Variants in GPM6A observed in about 807,000 individuals in gnomAD.
GPM6A encodes neuronal membrane glycoprotein M6-a.
Under a neutral mutation model 32.1 loss-of-function variants are expected in GPM6A, and 7 were observed. That is an observed-to-expected ratio of 0.22 (90% CI 0.12 to 0.41). The LOEUF (loss-of-function observed/expected upper bound fraction) is 0.41, where lower values mean the gene tolerates loss of function less well. Among genes scored for constraint, GPM6A ranks in the 10% least tolerant of loss-of-function variants. GPM6A has a pLI of 1.00. For missense variants in GPM6A, 235 were observed against 347.2 expected (o/e 0.68, Z 2.57); for synonymous variants, 130 against 123.4 (o/e 1.05, Z -0.35).
intron 1 of GPM6A, chr4:175,811,918 G>T: frequency 3.5e-6 from 1 of 289,002 alleles, no homozygotes; most frequent in Non-Finnish European, 6.3e-6. Context: ...GGTTAACAAA[G>T]ACTGGTCTAA....
chr4:175,645,609 T>C (rs1440524057), intron 4 of GPM6A, among the ~76,000 whole-genome samples: 1 of 151,834 alleles, frequency 6.6e-6, no homozygotes, highest in Non-Finnish European at 1.5e-5. Context: ...TAATCCCAGC[T>C]CCTCGGGAGG....
chr4:175,874,497 G>A (rs1470722099), intron 1 of GPM6A, among the ~76,000 whole-genome samples: 1 of 152,140 alleles, frequency 6.6e-6, no homozygotes, highest in African/African-American at 2.4e-5. Context: ...GGTGTGGAGG[G>A]GAGGGAGGAG....
intron 1 of GPM6A, among the ~76,000 whole-genome samples, chr4:175,882,882 G>A (rs1737326232): frequency 6.6e-6 from 1 of 151,968 alleles, no homozygotes; most frequent in African/African-American, 2.4e-5. Context: ...GAACAAATAA[G>A]AATAAGGTCT....
intron 1 of GPM6A, among the ~76,000 whole-genome samples, chr4:175,933,431 C>T (rs753865038): frequency 3.3e-5 from 5 of 152,164 alleles, no homozygotes; most frequent in Non-Finnish European, 7.4e-5. Context: ...GAAAACAGTG[C>T]AGCAGTTTCT....
upstream of GPM6A, among the ~76,000 whole-genome samples, chr4:175,816,892 G>A (rs1013605583): frequency 2.4e-4 from 36 of 150,792 alleles, no homozygotes; most frequent in East Asian, 2.0e-4. Flanking sequence ...ACGGAGTCTC[G>A]CTCAAAGCCC....
chr4:175,898,085 G>A (rs1009241177), intron 1 of GPM6A, among the ~76,000 whole-genome samples: 4 of 152,084 alleles, frequency 2.6e-5, no homozygotes, highest in Non-Finnish European at 5.9e-5. Flanking sequence ...ATAAATAAAA[G>A]CTATCACTCT....
At chr4:175,934,111 CA>C (rs1475362053) in intron 1 of GPM6A, among the ~76,000 whole-genome samples, 1 of 152,104 alleles carries the variant, frequency 6.6e-6, no homozygotes, top group East Asian at 1.9e-4. Flanking sequence ...GATTGACCAG[CA>C]AAGAATAAAA....
chr4:175,726,750 T>C (rs893348252), intron 1 of GPM6A, among the ~76,000 whole-genome samples: 4 of 152,090 alleles, frequency 2.6e-5, no homozygotes, highest in Admixed American at 1.3e-4. Flanking sequence ...AATCCCAGCA[T>C]GTGGGGAGGC....
At chr4:175,890,100 A>G (rs543934173) in intron 1 of GPM6A, among the ~76,000 whole-genome samples, 1 of 152,336 alleles carries the variant, frequency 6.6e-6, no homozygotes, top group South Asian at 2.1e-4. Context: ...GCACATGAAA[A>G]TAACAATGAG....
At chr4:175,933,611 T>G (rs1739124635) in intron 1 of GPM6A, among the ~76,000 whole-genome samples, 1 of 152,302 alleles carries the variant, frequency 6.6e-6, no homozygotes, top group South Asian at 2.1e-4. Flanking sequence ...TTCACGATCT[T>G]GGCTCACTGC....
intron 1 of GPM6A, among the ~76,000 whole-genome samples, chr4:175,855,782 T>C (rs1013659531): frequency 6.6e-6 from 1 of 152,244 alleles, no homozygotes; most frequent in Non-Finnish European, 1.5e-5. Flanking sequence ...CTTATGTTAA[T>C]ATAATACTGA....
chr4:175,897,361 G>A (rs942026734), intron 1 of GPM6A, among the ~76,000 whole-genome samples: 3 of 152,136 alleles, frequency 2.0e-5, no homozygotes, highest in African/African-American at 7.2e-5. Context: ...TCTCACTCCA[G>A]TGCCTCCCAT....
intron 2 of GPM6A, among the ~76,000 whole-genome samples, chr4:175,694,001 G>C (rs1424617422): frequency 1.3e-5 from 2 of 152,086 alleles, no homozygotes; most frequent in Non-Finnish European, 2.9e-5. Context: ...TCTTGCTCCT[G>C]CTCTGGCCGT....
chr4:175,872,582 A>T (rs2111441225), intron 1 of GPM6A: 1 of 152,388 alleles, frequency 6.6e-6, no homozygotes, highest in Non-Finnish European at 1.5e-5. Context: ...AAGAAACATT[A>T]TAAATTCCTT....
At chr4:175,816,678 C>T (rs1291736165), upstream of GPM6A, among the ~76,000 whole-genome samples, 2 of 152,102 alleles carry the variant, frequency 1.3e-5, no homozygotes, top group East Asian at 3.9e-4. Flanking sequence ...GGCAGGAACA[C>T]GGTTTAGAAA....
intron 1 of GPM6A, among the ~76,000 whole-genome samples, chr4:175,773,156 C>T (rs1375375184): frequency 6.6e-6 from 1 of 152,202 alleles, no homozygotes; most frequent in Non-Finnish European, 1.5e-5. Context: ...TGACAGGCTG[C>T]AGTGCATATT....
chr4:175,683,720 C>T (rs1010272052), intron 2 of GPM6A, among the ~76,000 whole-genome samples: 1 of 151,974 alleles, frequency 6.6e-6, no homozygotes, highest in African/African-American at 2.4e-5. Context: ...GTGCCTGCTC[C>T]CTCTTTGCCT....
At chr4:175,930,708 G>A (rs1354044524) in intron 1 of GPM6A, among the ~76,000 whole-genome samples, 2 of 151,988 alleles carry the variant, frequency 1.3e-5, no homozygotes, top group Non-Finnish European at 2.9e-5. Flanking sequence ...CATTTTTCCT[G>A]CAGATAAAAT....
chr4:175,714,545 G>C (rs979690730), intron 1 of GPM6A, among the ~76,000 whole-genome samples: 2 of 150,196 alleles, frequency 1.3e-5, no homozygotes, highest in Non-Finnish European at 3.0e-5. Context: ...CACCATACCT[G>C]GTCACCAAGA....
Sources: gnomAD v4.1 joint callset for allele counts (sites outside exome capture counted in the v4.1 genomes callset) on GRCh38, gnomAD v4.1.1 for gene constraint, MANE v1.5 for transcripts, NCBI Gene and HGNC (gene_info 2026-07-23, HGNC 2026-07-21) for gene names.